Variants in NOL4L observed in about 807,000 individuals in gnomAD.
NOL4L encodes the protein nucleolar protein 4 like.
NOL4L carries 7 observed loss-of-function variants against 64.5 expected under a neutral mutation model. The ratio of observed to expected loss-of-function variants is 0.11; its 90% confidence interval spans 0.06 to 0.20. NOL4L has a LOEUF of 0.20. Ranked by LOEUF, NOL4L falls within the 10% of genes least tolerant of loss-of-function variation. The probability of loss-of-function intolerance (pLI) is 1.00; values close to 1 mark genes in which losing one functional copy is unlikely to be tolerated. For synonymous variants in NOL4L, 413 were observed against 401.0 expected (o/e 1.03, Z -0.36); for missense variants, 680 against 967.1 (o/e 0.70, Z 3.94).
chr20:32,465,104 C>G (rs2145459088), intron 5 of NOL4L: 1 of 548,662 alleles, frequency 1.8e-6, no homozygotes, highest in South Asian at 2.4e-5. Context: ...ACAGGTGGCT[C>G]AAGCGGTGGG....
Position 32,452,416 on chromosome 20 carries a change from T to G in NOL4L, c.1642A>C (p.Lys548Gln). 12 of 1,606,676 alleles carry G rather than the reference T, an allele frequency of 7.5e-6. No individual in the cohort carries two copies. The highest frequency in any genetic ancestry group is 9.4e-6 in the Non-Finnish European group (11 of 1,176,160). Reference sequence around the variant, plus strand: ...GCTGCGGAGTCCCGCGAGTGCTGCTTGTCCAGGGCTATGGGCTCATCCTGC... The same window carrying G: ...GCTGCGGAGTCCCGCGAGTGCTGCTGGTCCAGGGCTATGGGCTCATCCTGC... ...SSQDEPIALD[K>Q]QHSRDSAAIT... Residue 548 changes from lysine to glutamine, a missense_variant, in exon 10 of 11, where the codon AAG becomes CAG. By Grantham distance (53) the Lys-to-Gln change is moderately conservative. Around this residue, in one of 4 missense-constraint regions of NOL4L, gnomAD observed 175 missense variants for 227.0 expected, o/e 0.77. Coordinates refer to ENST00000621426, the MANE Select transcript of NOL4L (RefSeq NM_001256798.2).
In NOL4L at chr20:32,584,649, C is replaced by T. The variant is rs1424686245; in HGVS notation, c.242G>A (p.Arg81His). 3 of 1,545,510 alleles carry T rather than the reference C, an allele frequency of 1.9e-6. No homozygotes were observed. The highest frequency in any genetic ancestry group is 2.5e-5 in the East Asian group (1 of 40,602). Reference protein sequence around the residue: ...GEKGKFQFWVRSKGFRLGSGR... With the variant: ...GEKGKFQFWVHSKGFRLGSGR... ...GCTGCCCAGGCGGAAGCCCTTGGAGCGCACCCAGAACTGGAACTTGCCTTT... is the reference window on the plus strand; with the variant it reads ...GCTGCCCAGGCGGAAGCCCTTGGAGTGCACCCAGAACTGGAACTTGCCTTT... The change falls in exon 1 of 11, where the codon CGC becomes CAC. Residue 81 changes from arginine to histidine, a missense_variant. Coordinates refer to ENST00000621426, the MANE Select transcript of NOL4L (RefSeq NM_001256798.2).
In NOL4L at chr20:32,456,286, G is replaced by A. The variant is rs201763324; in HGVS notation, c.951C>T (p.Gly317=). Residue 317 remains glycine, a synonymous_variant, in exon 6 of 11, where the codon GGC becomes GGT. Transcript: ENST00000621426. The stretch of plus-strand genomic sequence containing the variant: ...TGGTGAAGTCCATGGGGGCCACGGC[G>A]CCGTTGCCATTCATCTCGGGGAAGG... ...DPAFPEMNGN[G]AVAPMDFTTA... 2.2e-4 allele frequency: 350 copies of A among 1,586,500 alleles called. 3 individuals carry two copies. The East Asian group carries it at 5.8e-3, about 26-fold the overall frequency.
At chr20:32,540,347 A>T (rs538756242) in intron 1 of NOL4L, among the ~76,000 whole-genome samples, 8 of 152,340 alleles carry the variant, frequency 5.3e-5, no homozygotes, top group African/African-American at 1.7e-4. Flanking sequence ...ACAATGTGTG[A>T]CTGTCACACA....
intron 1 of NOL4L, among the ~76,000 whole-genome samples, chr20:32,582,703 G>T (rs1173658278): frequency 6.9e-6 from 1 of 144,760 alleles, no homozygotes; most frequent in Admixed American, 6.8e-5. Context: ...GGGGTGGGGT[G>T]GGGCACCGAC....
At chr20:32,524,254 C>T (rs960097493) in intron 2 of NOL4L, among the ~76,000 whole-genome samples, 1 of 152,146 alleles carries the variant, frequency 6.6e-6, no homozygotes, top group East Asian at 1.9e-4. Context: ...GCTGGAGAGA[C>T]CTCCGAGATC....
In NOL4L at chr20:32,464,438, G is replaced by A. The variant is rs914505469; in HGVS notation, c.842-8043C>T. On this transcript the variant is annotated intron_variant, in intron 5 of 10. Coordinates refer to ENST00000621426, the MANE Select transcript of NOL4L (RefSeq NM_001256798.2). This position sits in a 1 kb window ranked among gnomAD's most constrained non-coding sequence, Gnocchi z 5.6. The stretch of plus-strand genomic sequence containing the variant: ...TGCCTGCACAGCTGCCCTCCTGAGC[G>A]CCCAGCTCTGTCCCTGTGGTTCACA... Among the ~76,000 whole-genome samples the A allele has an allele frequency of 2.6e-5, 4 of 152,208 alleles. No individual in the cohort carries two copies. Among genetic ancestry groups the A allele is most frequent in the African/African-American group, 4.8e-5 (2 of 41,456 alleles).
chr20:32,557,171 T>C (rs1325023410), intron 1 of NOL4L, among the ~76,000 whole-genome samples: 2 of 152,156 alleles, frequency 1.3e-5, no homozygotes, highest in East Asian at 1.9e-4. Flanking sequence ...GCTGAGCTCA[T>C]TGCATAAAGT....
chr20:32,449,091 G>A (rs909716505), intron 10 of NOL4L, among the ~76,000 whole-genome samples: 1 of 152,232 alleles, frequency 6.6e-6, no homozygotes, highest in African/African-American at 2.4e-5. Flanking sequence ...GAAGCTCCTG[G>A]AATTTGAAAA....
At chr20:32,451,884 C>T (rs1053393262) in intron 10 of NOL4L, among the ~76,000 whole-genome samples, 7 of 152,198 alleles carry the variant, frequency 4.6e-5, no homozygotes, top group African/African-American at 1.4e-4. Context: ...AGGCCAAGAA[C>T]AGGCCCTTGG....
chr20:32,568,965 T>C (rs1186598912), intron 1 of NOL4L, among the ~76,000 whole-genome samples: 1 of 151,998 alleles, frequency 6.6e-6, no homozygotes, highest in African/African-American at 2.4e-5. Context: ...AGGCACAAAA[T>C]GGATAAAGAC....
chr20:32,503,474 G>A lies in NOL4L; in HGVS notation c.699+7873C>T, dbSNP rs2145541302. 3.3e-5 allele frequency among the ~76,000 whole-genome samples: 5 copies of A among 152,328 alleles called. No homozygotes were observed. The East Asian group carries it at 9.6e-4, about 29-fold the overall frequency. ...GAGAGGGAAGTGGTGGCCTCAGTGG[G>A]AGAGCCCCATGGGGAGAGAATGAGG... On this transcript the variant is annotated intron_variant, in intron 4 of 10. Coordinates refer to ENST00000621426, the MANE Select transcript of NOL4L (RefSeq NM_001256798.2).
chr20:32,533,592 G>C (rs191763336), intron 1 of NOL4L: 3 of 152,292 alleles, frequency 2.0e-5, no homozygotes, highest in Admixed American at 2.0e-4. Flanking sequence ...TCCTAATGGT[G>C]AGAACAAAAG....
rs901967197 is a variant in NOL4L at position 32,463,453 on chromosome 20, G to A, written c.842-7058C>T. 1.3e-5 allele frequency among the ~76,000 whole-genome samples: 2 copies of A among 152,168 alleles called. No homozygotes were observed. Among genetic ancestry groups the A allele is most frequent in the Non-Finnish European group, 2.9e-5 (2 of 68,024 alleles). Reference sequence around the variant, plus strand: ...CTGAGGGGCCTTGGGGAAGCAGCCCGGGATGCACCCCCTCTCAGCATTTCC... The same window carrying A: ...CTGAGGGGCCTTGGGGAAGCAGCCCAGGATGCACCCCCTCTCAGCATTTCC... On this transcript the variant is annotated intron_variant, in intron 5 of 10. Transcript: ENST00000621426. The surrounding 1 kb of genome is among the most constrained non-coding windows in gnomAD (Gnocchi z 5.8).
chr20:32,457,065 G>A (rs989419717), intron 5 of NOL4L, among the ~76,000 whole-genome samples: 3 of 152,252 alleles, frequency 2.0e-5, no homozygotes, highest in Non-Finnish European at 2.9e-5. Flanking sequence ...GGGTCTGCAC[G>A]CGGCCCCCGA....
At chr20:32,454,257 G>A (rs1464158681) in intron 6 of NOL4L, among the ~76,000 whole-genome samples, 3 of 152,228 alleles carry the variant, frequency 2.0e-5, no homozygotes, top group African/African-American at 7.2e-5. Context: ...GCTGTCTGTC[G>A]GGAGGAGGAA....
intron 1 of NOL4L, among the ~76,000 whole-genome samples, chr20:32,547,778 C>T (rs1184451102): frequency 1.3e-5 from 2 of 152,128 alleles, no homozygotes; most frequent in Admixed American, 1.3e-4. Flanking sequence ...ATTTGAGGCC[C>T]CTGGAAGCAG....
intron 1 of NOL4L, chr20:32,533,536 C>T (rs1015931497): frequency 2.0e-5 from 3 of 152,214 alleles, no homozygotes; most frequent in Admixed American, 1.3e-4. Flanking sequence ...CTCTGTGCTT[C>T]CTGGCCTAAT....
chr20:32,448,100 C>CT (rs746793599), intron 10 of NOL4L, among the ~76,000 whole-genome samples: 8 of 152,190 alleles, frequency 5.3e-5, no homozygotes, highest in Non-Finnish European at 1.5e-5. Flanking sequence ...AGATCTGCCT[C>CT]TCCTCAGTGT....
Sources: allele counts gnomAD v4.1 joint callset (sites outside exome capture counted in the v4.1 genomes callset), GRCh38; gene constraint gnomAD v4.1.1; regional missense constraint gnomAD v4.1.1; non-coding constraint Gnocchi (gnomAD v3.1); transcripts MANE v1.5; gene names NCBI Gene and HGNC (gene_info 2026-07-23, HGNC 2026-07-21).